FRMPD4: variants seen among roughly 807,000 people sequenced by gnomAD.
The protein encoded by FRMPD4 is FERM and PDZ domain containing 4, also known as FERM and PDZ domain-containing protein 4.
A neutral mutation model predicts 94.1 loss-of-function variants in FRMPD4; 22 were observed. That is an observed-to-expected ratio of 0.23 (90% CI 0.17 to 0.33). The LOEUF is 0.33. Among genes scored for constraint, FRMPD4 ranks in the 10% least tolerant of loss-of-function variants. The pLI, the probability that FRMPD4 is intolerant of heterozygous loss-of-function variation, is 1.00. For missense variants in FRMPD4, 1,111 were observed against 1,339.9 expected (o/e 0.83, Z 2.67); for synonymous variants, 631 against 548.6 (o/e 1.15, Z -2.10).
intron 2 of FRMPD4, among the ~76,000 whole-genome samples, chrX:12,588,282 G>A (rs1379951399): frequency 8.9e-6 from 1 of 112,420 alleles, no homozygotes. Flanking sequence ...GAGCCACCAC[G>A]CTCAGCCTGA....
chrX:11,933,259 C>T (rs2054132039), intron 3 of FRMPD4, among the ~76,000 whole-genome samples: 1 of 112,186 alleles, frequency 8.9e-6, no homozygotes, highest in African/African-American at 3.2e-5. Context: ...TTGTTTCTTC[C>T]TCTTTAAAGA....
chrX:11,826,515 T>A (rs1275773684), intron 1 of FRMPD4, among the ~76,000 whole-genome samples: 1 of 111,723 alleles, frequency 9.0e-6, no homozygotes, highest in Non-Finnish European at 1.9e-5. Flanking sequence ...ATAAACAAAA[T>A]CTATGATTTC....
chrX:11,870,903 A>G (rs1454093745), intron 2 of FRMPD4, among the ~76,000 whole-genome samples: 1 of 112,302 alleles, frequency 8.9e-6, no homozygotes, highest in Non-Finnish European at 1.9e-5. Context: ...TTTTGAACTT[A>G]CATTGGCCTC....
intron 2 of FRMPD4, among the ~76,000 whole-genome samples, chrX:12,567,195 G>A (rs58617641): frequency 0.04 from 4,416 of 111,671 alleles, 218 homozygotes; most frequent in African/African-American, 0.14. Context: ...ATAAATACCT[G>A]CTGTATTCCT....
intron 4 of FRMPD4, among the ~76,000 whole-genome samples, chrX:12,628,130 G>A (rs139072724): frequency 1.5e-3 from 163 of 111,380 alleles, no homozygotes; most frequent in African/African-American, 5.0e-3. Flanking sequence ...GGGTGTGGTG[G>A]GCAAGAATCT....
At chrX:11,992,600 T>TA (rs1174065971) in intron 3 of FRMPD4, among the ~76,000 whole-genome samples, 5 of 111,417 alleles carry the variant, frequency 4.5e-5, no homozygotes, top group Non-Finnish European at 9.4e-5. Flanking sequence ...CATCAATCTT[T>TA]AAAAAAAATA....
At chrX:12,110,297 A>G (rs2055345906) in intron 3 of FRMPD4, among the ~76,000 whole-genome samples, 1 of 112,508 alleles carries the variant, frequency 8.9e-6, no homozygotes, top group Admixed American at 9.4e-5. Flanking sequence ...TCCAGCATAT[A>G]AACAGAACCA....
intron 1 of FRMPD4, among the ~76,000 whole-genome samples, chrX:12,256,898 A>T (rs181679133): frequency 7.5e-4 from 84 of 111,961 alleles, no homozygotes; most frequent in Admixed American, 6.1e-3. Flanking sequence ...CTAATCCCTT[A>T]AATGTTTGTT....
At chrX:12,372,639 C>T (rs55677611) in intron 1 of FRMPD4, among the ~76,000 whole-genome samples, 17,824 of 112,289 alleles carry the variant, frequency 0.16, 1,371 homozygotes, top group Non-Finnish European at 0.24. Flanking sequence ...TGAGACCAGG[C>T]GTGCTGGGTT....
intron 1 of FRMPD4, among the ~76,000 whole-genome samples, chrX:12,397,764 A>C (rs1043096060): frequency 9.0e-6 from 1 of 111,009 alleles, no homozygotes; most frequent in Non-Finnish European, 1.9e-5. Context: ...GGATAATGTG[A>C]ATTTTTCCAG....
intron 3 of FRMPD4, among the ~76,000 whole-genome samples, chrX:11,886,906 C>A (rs985399210): frequency 3.6e-5 from 4 of 110,720 alleles, no homozygotes; most frequent in Non-Finnish European, 7.6e-5. Flanking sequence ...CATGTCTCCT[C>A]GGGGGGACCT....
At chrX:12,111,059 G>GA (rs2055356734) in intron 3 of FRMPD4, among the ~76,000 whole-genome samples, 1 of 111,104 alleles carries the variant, frequency 9.0e-6, no homozygotes. Flanking sequence ...CACAAAATTG[G>GA]AAAAAACTAC....
chrX:12,039,088 G>C (rs1209593280), intron 3 of FRMPD4, among the ~76,000 whole-genome samples: 1 of 110,492 alleles, frequency 9.1e-6, no homozygotes, highest in African/African-American at 3.3e-5. Flanking sequence ...CTGCAGCTTT[G>C]ACCTCTCTTG....
chrX:12,604,690 G>C (rs1035495974), intron 2 of FRMPD4, among the ~76,000 whole-genome samples: 1 of 111,896 alleles, frequency 8.9e-6, no homozygotes, highest in African/African-American at 3.3e-5. Context: ...AAGTTCAAGG[G>C]TACATGTGTA....
intron 3 of FRMPD4, among the ~76,000 whole-genome samples, chrX:11,974,892 A>C (rs1405518222): frequency 9.0e-6 from 1 of 111,447 alleles, no homozygotes; most frequent in Non-Finnish European, 1.9e-5. Context: ...GGAATGATGA[A>C]GTCCACTGAG....
intron 4 of FRMPD4, among the ~76,000 whole-genome samples, chrX:12,639,638 T>C (rs989259203): frequency 8.9e-6 from 1 of 112,536 alleles, no homozygotes; most frequent in African/African-American, 3.2e-5. Context: ...AGTCTGGATA[T>C]ATTTGATCTA....
intron 1 of FRMPD4, among the ~76,000 whole-genome samples, chrX:12,150,918 A>G (rs2055841847): frequency 9.0e-6 from 1 of 111,665 alleles, no homozygotes; most frequent in African/African-American, 3.3e-5. Context: ...TATTTTGCAT[A>G]CAGTATATTG....
chrX:12,041,999 C>A (rs2054758534), intron 3 of FRMPD4, among the ~76,000 whole-genome samples: 1 of 111,582 alleles, frequency 9.0e-6, no homozygotes, highest in Non-Finnish European at 1.9e-5. Context: ...GTGTATGGCT[C>A]AGGGGTAGAG....
At chrX:12,147,260 G>A (rs1287376279) in intron 1 of FRMPD4, among the ~76,000 whole-genome samples, 1 of 112,314 alleles carries the variant, frequency 8.9e-6, no homozygotes, top group Admixed American at 9.4e-5. Context: ...TGTTGGGCTT[G>A]GCCAAGTAAC....
Sources: allele counts gnomAD v4.1 joint callset (sites outside exome capture counted in the v4.1 genomes callset), GRCh38; gene constraint gnomAD v4.1.1; transcripts MANE v1.5; gene names NCBI Gene and HGNC (gene_info 2026-07-23, HGNC 2026-07-21).